CEMIP: variants seen among roughly 807,000 people sequenced by gnomAD.
The protein encoded by CEMIP is cell migration inducing hyaluronidase 1.
Under a neutral mutation model 156.9 loss-of-function variants are expected in CEMIP, and 105 were observed. The ratio of observed to expected loss-of-function variants is 0.67; its 90% CI spans 0.57 to 0.79. CEMIP has a LOEUF of 0.79. Among genes scored for constraint, CEMIP ranks in the 30% least tolerant of loss-of-function variants. The pLI, the probability that CEMIP is intolerant of heterozygous loss-of-function variation, is 0.00. For synonymous variants in CEMIP, 676 were observed against 668.4 expected, an observed-to-expected ratio of 1.01 and a Z score of -0.17; for missense variants, 1,457 against 1,769.4, an observed-to-expected ratio of 0.82 and a Z score of 3.17.
In CEMIP at chr15:80,844,384, G is replaced by C. The variant is rs1254562009; in HGVS notation, c.-175-29154G>C. 2.6e-5 allele frequency among the ~76,000 whole-genome samples: 4 copies of C among 152,184 alleles called. No homozygotes were observed. In the South Asian group the frequency reaches 6.2e-4, roughly 24 times the overall value. ...AAGCAAAGGCCATTTTTTAAAAAAA[G>C]ACTAATGCCAGGATGAGGGGGCAGG... On this transcript the variant is annotated intron_variant, in intron 1 of 29. Transcript: ENST00000394685.
chr15:80,911,860 G>A (rs1180994931), intron 14 of CEMIP, among the ~76,000 whole-genome samples: 2 of 152,366 alleles, frequency 1.3e-5, no homozygotes, highest in East Asian at 3.9e-4. Flanking sequence ...ACACCCAGCA[G>A]GGCAGTGTTG....
In CEMIP at chr15:80,921,115, T is replaced by A. The variant is rs747178720; in HGVS notation, c.2073+14T>A. 10 of 1,612,864 alleles carry A rather than the reference T, an allele frequency of 6.2e-6. No homozygotes were observed. Among genetic ancestry groups the A allele is most frequent in the Non-Finnish European group, 8.5e-6 (10 of 1,178,990 alleles). ...GCAGGATCTGAGGTGAGCAGAAATA[T>A]TCCTTCTTTGGCAGAAAGTGAGGGT... On this transcript the variant is annotated intron_variant, in intron 16 of 29. Transcript: ENST00000394685.
chr15:80,810,126 C>A (rs573693495), intron 1 of CEMIP, among the ~76,000 whole-genome samples: 20 of 152,080 alleles, frequency 1.3e-4, no homozygotes, highest in African/African-American at 4.8e-4. Context: ...TAAAATTCTG[C>A]CTGCCACACA....
At chr15:80,885,781 T>C (rs1327906309) in intron 7 of CEMIP, among the ~76,000 whole-genome samples, 1 of 152,264 alleles carries the variant, frequency 6.6e-6, no homozygotes, top group African/African-American at 2.4e-5. Flanking sequence ...TTTGTCATCA[T>C]GTCTGGCACA....
At chr15:80,881,585 A>G (rs1261573919) in intron 6 of CEMIP, among the ~76,000 whole-genome samples, 2 of 152,202 alleles carry the variant, frequency 1.3e-5, no homozygotes, top group East Asian at 3.9e-4. Context: ...CAAACGATGG[A>G]AAGGCCACCA....
intron 10 of CEMIP, among the ~76,000 whole-genome samples, chr15:80,893,631 G>A (rs969084161): frequency 3.3e-5 from 5 of 152,136 alleles, no homozygotes; most frequent in Admixed American, 6.6e-5. Flanking sequence ...GAGCATCAGC[G>A]TTGACCTCCG....
intron 19 of CEMIP, among the ~76,000 whole-genome samples, chr15:80,927,123 C>G (rs1057395290): frequency 6.6e-6 from 1 of 152,324 alleles, no homozygotes; most frequent in South Asian, 2.1e-4. Context: ...GCCACTGTGC[C>G]CAGCCGCAGG....
chr15:80,814,793 G>T (rs933920824), intron 1 of CEMIP, among the ~76,000 whole-genome samples: 2 of 152,328 alleles, frequency 1.3e-5, no homozygotes, highest in South Asian at 4.1e-4. Context: ...ATTTTCTCCA[G>T]TGTGAGTTGT....
chr15:80,836,065 C>T (rs1238316129), intron 1 of CEMIP, among the ~76,000 whole-genome samples: 3 of 111,378 alleles, frequency 2.7e-5, no homozygotes, highest in East Asian at 2.6e-4. Context: ...AGAGATGAGA[C>T]GGAAGTGATT....
At chr15:80,920,960 G>A (rs1003658315) in intron 15 of CEMIP, 72 bp from the exon 16 acceptor site, 4 of 1,274,852 alleles carry the variant, frequency 3.1e-6, no homozygotes, top group Non-Finnish European at 4.6e-6. Context: ...TGCCCAACCT[G>A]CACCTGCCAT....
intron 1 of CEMIP, among the ~76,000 whole-genome samples, chr15:80,789,351 A>G (rs906432): frequency 0.23 from 34,273 of 152,020 alleles, 4,253 homozygotes; most frequent in African/African-American, 0.34. Flanking sequence ...CTTCTCCCTT[A>G]CTTCCCTTCC....
chr15:80,784,974 T>C (rs752826645), intron 1 of CEMIP, among the ~76,000 whole-genome samples: 12 of 152,220 alleles, frequency 7.9e-5, no homozygotes, highest in Non-Finnish European at 1.6e-4. Flanking sequence ...AATGACCTTA[T>C]AATGACCCTT....
At chr15:80,874,254 C>T (rs1898396676) in intron 3 of CEMIP, among the ~76,000 whole-genome samples, 1 of 152,330 alleles carries the variant, frequency 6.6e-6, no homozygotes, top group African/African-American at 2.4e-5. Context: ...TGAAGCTGAC[C>T]AGGTAGCGAC....
chr15:80,944,185 C>T (rs922737077), intron 28 of CEMIP, among the ~76,000 whole-genome samples: 1 of 152,198 alleles, frequency 6.6e-6, no homozygotes, highest in African/African-American at 2.4e-5. Flanking sequence ...GAGGCTGAGG[C>T]AGGAGAATCG....
In CEMIP at chr15:80,896,070, T is replaced by C; in HGVS notation, c.1411+10T>C. On this transcript the variant is annotated intron_variant, in intron 12 of 29. Coordinates refer to ENST00000394685, the MANE Select transcript of CEMIP (RefSeq NM_001293298.2). ...CAGGTCAAAGTGGCAGGTAGGACTT[T>C]TACTAATCCCTTCCTAGACTGGATG... 6.2e-7 allele frequency: 1 copy of C among 1,613,114 alleles called. No homozygotes were observed. The highest frequency in any genetic ancestry group is 8.5e-7 in the Non-Finnish European group (1 of 1,179,560).
intron 1 of CEMIP, among the ~76,000 whole-genome samples, chr15:80,856,733 G>C (rs1046222304): frequency 1.3e-5 from 2 of 152,154 alleles, no homozygotes; most frequent in Admixed American, 6.5e-5. Context: ...GAATACTGAG[G>C]CCCAGGGAAG....
chr15:80,900,780 A>G (rs1306190304), intron 12 of CEMIP: 1 of 352,086 alleles, frequency 2.8e-6, no homozygotes, highest in Non-Finnish European at 5.6e-6. Context: ...TGTTGACAGG[A>G]TCAAGGATTC....
In CEMIP at chr15:80,932,818, G is replaced by A. The variant is rs908304604; in HGVS notation, c.2794-427G>A. On this transcript the variant is annotated intron_variant, in intron 22 of 29. Coordinates refer to ENST00000394685, the MANE Select transcript of CEMIP (RefSeq NM_001293298.2). The surrounding 1 kb of genome is among the most constrained non-coding windows in gnomAD (Gnocchi z 4.5). ...GCCACATGCATCTTCTCTCGCACAC[G>A]GATGCCCCCGTGTATGTGTGTGTGT... Among the ~76,000 whole-genome samples, 1 of 152,160 alleles carries A rather than the reference G, an allele frequency of 6.6e-6. No individual in the cohort carries two copies. The highest frequency in any genetic ancestry group is 2.4e-5 in the African/African-American group (1 of 41,442).
intron 1 of CEMIP, among the ~76,000 whole-genome samples, chr15:80,869,702 T>C (rs1388805897): frequency 6.6e-6 from 1 of 152,192 alleles, no homozygotes; most frequent in Admixed American, 6.5e-5. Flanking sequence ...ATCCGATTCC[T>C]CTCTGTACCT....
Sources: allele counts gnomAD v4.1 joint callset (sites outside exome capture counted in the v4.1 genomes callset), GRCh38; gene constraint gnomAD v4.1.1; non-coding constraint Gnocchi (gnomAD v3.1); transcripts MANE v1.5; gene names NCBI Gene and HGNC (gene_info 2026-07-23, HGNC 2026-07-21).